The following ZNF160 variants were observed in gnomAD, a reference collection of about 807,000 sequenced individuals.
The protein encoded by ZNF160 is KRAB zinc finger protein KR18.
A neutral mutation model predicts 13.1 loss-of-function variants in ZNF160; 9 were observed. The observed-to-expected ratio is 0.69, with a 90% CI of 0.41 to 1.20. The LOEUF is 1.20. Ranked by LOEUF, ZNF160 falls within the 50% of genes most tolerant of loss-of-function variation. ZNF160 has a pLI of 0.01. For missense variants in ZNF160, 838 were observed against 988.0 expected (o/e 0.85, Z 2.04); for synonymous variants, 293 against 333.2 (o/e 0.88, Z 1.31).
intron 3 of ZNF160, among the ~76,000 whole-genome samples, chr19:53,083,673 G>A (rs894557531): frequency 6.6e-6 from 1 of 152,228 alleles, no homozygotes; most frequent in South Asian, 2.1e-4. Flanking sequence ...GCACAGTCAG[G>A]AGGATGGCTT....
intron 2 of ZNF160, 45 bp from the exon 3 acceptor site, chr19:53,086,366 C>G: frequency 1.3e-6 from 2 of 1,495,416 alleles, no homozygotes. Context: ...ACTGAATATC[C>G]AAAATATGCT....
intron 2 of ZNF160, among the ~76,000 whole-genome samples, chr19:53,087,711 C>A (rs1282422689): frequency 6.6e-6 from 1 of 152,090 alleles, no homozygotes; most frequent in Non-Finnish European, 1.5e-5. Context: ...CCACCACGCC[C>A]GGCTAATTTT....
chr19:53,102,246 G>C (rs2085472628), intron 1 of ZNF160, among the ~76,000 whole-genome samples: 1 of 151,528 alleles, frequency 6.6e-6, no homozygotes, highest in Non-Finnish European at 1.5e-5. Flanking sequence ...CCCCATCTCC[G>C]CGCCTCCTCT....
chr19:53,082,673 A>G (rs1158354996), intron 3 of ZNF160, among the ~76,000 whole-genome samples: 1 of 152,194 alleles, frequency 6.6e-6, no homozygotes, highest in Non-Finnish European at 1.5e-5. Context: ...CTCTCAAAAC[A>G]ATAAACAAAC....
chr19:53,068,175 T>G lies in ZNF160; in HGVS notation c.2359A>C (p.Lys787Gln), dbSNP rs2084025511. Reference sequence around the variant, plus strand: ...CCACACTCATTACATTTGTAACGCTTTTCTCCAGTGTGGATTGCCATATGG... The same window carrying G: ...CCACACTCATTACATTTGTAACGCTGTTCTCCAGTGTGGATTGCCATATGG... ...TTHMAIHTGE[K>Q]RYKCNECGKV... is the part of the protein sequence containing the mutation. The change falls in exon 6 of 6, where the codon AAG becomes CAG. Residue 787 changes from lysine to glutamine, a missense_variant. Lys to Gln is a moderately conservative substitution (Grantham distance 53). Transcript: ENST00000683776. 3.1e-6 allele frequency: 5 copies of G among 1,614,068 alleles called. No individual in the cohort carries two copies. The highest frequency in any genetic ancestry group is 1.3e-5 in the African/African-American group (1 of 74,928).
chr19:53,086,461 G>C, intron 2 of ZNF160, 140 bp from the exon 3 acceptor site: 1 of 610,490 alleles, frequency 1.6e-6, no homozygotes, highest in Non-Finnish European at 2.6e-6. Context: ...GGTCCTCTGC[G>C]CCCCACTGCA....
chr19:53,086,273 C>T lies in ZNF160; in HGVS notation c.4G>A (p.Ala2Thr). 6.3e-7 allele frequency: 1 copy of T among 1,588,484 alleles called. No homozygotes were observed. Among genetic ancestry groups the T allele is most frequent in the South Asian group, 1.1e-5 (1 of 87,904 alleles). ...GAGTATCACTTTACCTGAGTAAGGG[C>T]CATCCCTGACTCCTTTTCTTTCCTC... is the stretch of plus-strand genomic sequence containing the variant. Reference protein sequence around the residue: MALTQVRLTFRD... With the variant: MTLTQVRLTFRD... Residue 2 changes from alanine to threonine, a missense_variant, in exon 3 of 6, where the codon GCC becomes ACC. By Grantham distance (58) the Ala-to-Thr change is moderately conservative (BLOSUM62 0). Coordinates refer to ENST00000683776, the MANE Select transcript of ZNF160 (RefSeq NM_001322131.2).
At chr19:53,092,599 C>A (rs2085077994) in intron 1 of ZNF160, among the ~76,000 whole-genome samples, 2 of 152,194 alleles carry the variant, frequency 1.3e-5, no homozygotes, top group Non-Finnish European at 1.5e-5. Context: ...CAGGCGTGAG[C>A]TACCATGCTG....
intron 2 of ZNF160, among the ~76,000 whole-genome samples, chr19:53,090,648 T>C (rs1233543061): frequency 6.6e-6 from 1 of 151,978 alleles, no homozygotes. Flanking sequence ...GAGGAAGCCA[T>C]GCTTATGAGG....
intron 1 of ZNF160, among the ~76,000 whole-genome samples, chr19:53,099,824 C>T (rs1013110252): frequency 1.3e-5 from 2 of 152,108 alleles, no homozygotes; most frequent in African/African-American, 4.8e-5. Flanking sequence ...GGTGGATTTA[C>T]TGAGGGCTAG....
chr19:53,089,595 C>T (rs374502078), intron 2 of ZNF160, among the ~76,000 whole-genome samples: 26 of 152,268 alleles, frequency 1.7e-4, no homozygotes, highest in African/African-American at 6.3e-4. Context: ...TTATAAAATG[C>T]ATAGCCTTAT....
rs1259609106 is a variant in ZNF160, at chr19:53,075,220, G to A, written c.16-37C>T. The A allele has an allele frequency of 3.1e-6, 5 of 1,605,790 alleles. No individual in the cohort carries two copies. The East Asian group carries it at 1.1e-4, about 36-fold the overall frequency. On this transcript the variant is annotated intron_variant, in intron 3 of 5. Coordinates refer to ENST00000683776, the MANE Select transcript of ZNF160 (RefSeq NM_001322131.2). ...AACACATTTCACCAAGTGGCTAAGG[G>A]GAGAGTTCAAAATTTCACATAAAAG...
intron 5 of ZNF160, chr19:53,073,115 A>T (rs1452153918): frequency 1.7e-6 from 2 of 1,180,704 alleles, no homozygotes; most frequent in Admixed American, 6.9e-5. Context: ...CCAGTGACCA[A>T]CATCTCCCTA....
rs201482251 is a variant in ZNF160 at position 53,068,112 on chromosome 19, G to A, written c.2422C>T (p.His808Tyr). ...FRQSSNLASH[H>Y]RMHTGEKPYK ...GGTTTCTCTCCGGTATGCATTCTGT[G>A]ATGACTTGCAAGATTTGAACTCTGC... Residue 808 changes from histidine (H) to tyrosine (Y), a missense_variant, in exon 6 of 6, where the codon CAC (histidine) becomes TAC (tyrosine). His to Tyr is a moderately conservative substitution (Grantham distance 83). Around this residue, in one of 3 missense-constraint regions of ZNF160, gnomAD observed 51 missense variants for 46.9 expected, o/e 1.09. Transcript: ENST00000683776. 14 of 1,612,538 alleles carry A rather than the reference G, an allele frequency of 8.7e-6. No homozygotes were observed. In the East Asian group the frequency reaches 3.1e-4, roughly 36 times the overall value.
intron 1 of ZNF160, among the ~76,000 whole-genome samples, chr19:53,102,904 C>T (rs1347582336): frequency 2.0e-4 from 31 of 151,948 alleles, no homozygotes. Flanking sequence ...GGGCCCGGCA[C>T]GAGGAGGAGG....
intron 4 of ZNF160, 39 bp from the exon 5 acceptor site, chr19:53,074,307 T>C: frequency 1.2e-6 from 2 of 1,609,206 alleles, no homozygotes; most frequent in Non-Finnish European, 1.7e-6. Context: ...TGCCGGGGCT[T>C]TTCCAGAATC....
chr19:53,072,055 T>A (rs76757527), intron 5 of ZNF160, among the ~76,000 whole-genome samples: 1 of 151,966 alleles, frequency 6.6e-6, no homozygotes, highest in Non-Finnish European at 1.5e-5. Context: ...ACAGAGCAGA[T>A]AATTTTGCAG....
At chr19:53,090,219 C>A (rs373863995) in intron 2 of ZNF160, among the ~76,000 whole-genome samples, 1 of 152,128 alleles carries the variant, frequency 6.6e-6, no homozygotes, top group Non-Finnish European at 1.5e-5. Context: ...AATTCCTCCT[C>A]CTCTCCCCCA....
At chr19:53,075,838 A>C in intron 3 of ZNF160, 2 of 518,826 alleles carry the variant, frequency 3.9e-6, no homozygotes, top group Non-Finnish European at 7.7e-6. Context: ...ACAGCTGGTC[A>C]TTGAGAAGCA....
Sources: allele counts gnomAD v4.1 joint callset (sites outside exome capture counted in the v4.1 genomes callset), GRCh38; gene constraint gnomAD v4.1.1; regional missense constraint gnomAD v4.1.1; transcripts MANE v1.5; gene names NCBI Gene and HGNC (gene_info 2026-07-23, HGNC 2026-07-21).